The following ZNF581 variants were observed in gnomAD, a reference collection of about 807,000 sequenced individuals.
The protein encoded by ZNF581 is zinc finger protein 581.
ZNF581 carries 1 observed loss-of-function variant against 1.2 expected under a neutral mutation model. That is an observed-to-expected ratio of 0.83 (90% CI 0.30 to 3.95). The LOEUF is 3.95. ZNF581 is among the 30% of genes most tolerant of loss of function. The pLI is 0.18. For synonymous variants in ZNF581, 105 were observed against 109.2 expected (o/e 0.96, Z 0.24); for missense variants, 273 against 274.6 (o/e 0.99, Z 0.04).
At chr19:55,642,658 G>A, upstream of ZNF581, 2 of 1,425,240 alleles carry the variant, frequency 1.4e-6, no homozygotes, top group Non-Finnish European at 1.8e-6. Context: ...CCCCGCGGCT[G>A]GGCCGCCACC....
chr19:55,642,539 C>A, upstream of ZNF581: 1 of 1,444,198 alleles, frequency 6.9e-7, no homozygotes, highest in Non-Finnish European at 9.1e-7. Flanking sequence ...GCCACCCCAC[C>A]CTCGGTCCTC....
upstream of ZNF581, among the ~76,000 whole-genome samples, chr19:55,639,169 G>A (rs1982287580): frequency 6.6e-6 from 1 of 152,124 alleles, no homozygotes; most frequent in South Asian, 2.1e-4. Context: ...GCAATGTGTA[G>A]AGACATTTTG....
chr19:55,644,681 C>T lies in ZNF581; in HGVS notation c.110C>T (p.Ser37Phe), dbSNP rs1380720012. The stretch of plus-strand genomic sequence containing the variant: ...CGCTCCCCAGAACCTGGACCTTCCT[C>T]CTCCATCGGATCTCCCCAGGCTTCA... ...TCRSPEPGPS[S>F]SIGSPQASSP... is the part of the protein sequence containing the mutation. Residue 37 changes from serine to phenylalanine, a missense_variant, in exon 2 of 2, where the codon TCC (serine) becomes TTC (phenylalanine). Ser to Phe is a radical substitution (Grantham distance 155). Transcript: ENST00000270451. The surrounding 1 kb of genome is among the most constrained non-coding windows in gnomAD (Gnocchi z 4.3). The T allele has an allele frequency of 2.5e-6, 4 of 1,613,298 alleles. No individual in the cohort carries two copies. The highest frequency in any genetic ancestry group is 2.2e-5 in the East Asian group (1 of 44,836).
upstream of ZNF581, chr19:55,641,050 T>C: frequency 1.0e-6 from 1 of 984,720 alleles, no homozygotes; most frequent in Non-Finnish European, 1.2e-6. Context: ...GCGCCCCCAG[T>C]CCCCGCGTCC....
chr19:55,643,887 T>TTG (rs1982696645), intron 1 of ZNF581, 113 bp downstream of exon 1: 2 of 152,316 alleles, frequency 1.3e-5, no homozygotes, highest in African/African-American at 4.8e-5. Context: ...AGGGGGCTGT[T>TTG]CTGGAGCTTG....
chr19:55,641,194 C>T (rs954160569), upstream of ZNF581: 4 of 984,688 alleles, frequency 4.1e-6, no homozygotes, highest in Non-Finnish European at 4.8e-6. Flanking sequence ...GTACGGGGGC[C>T]GGGATGGAGG....
At position 55,644,262 on chromosome 19, in the gene ZNF581, C is replaced by T. The variant is rs1982719105; in HGVS notation, c.-19-291C>T. ...GGGCACCCAGTGACCTGGGAGGGCA[C>T]AAAGAGGAAGGTTAGAGCGAGGTCC... On this transcript the variant is annotated intron_variant, in intron 1 of 1. Coordinates refer to ENST00000270451, the MANE Select transcript of ZNF581 (RefSeq NM_016535.4). This position sits in a 1 kb window ranked among gnomAD's most constrained non-coding sequence, Gnocchi z 4.3. Among the ~76,000 whole-genome samples the T allele has an allele frequency of 6.6e-6, 1 of 152,076 alleles. No individual in the cohort carries two copies. The highest frequency in any genetic ancestry group is 1.5e-5 in the Non-Finnish European group (1 of 68,002).
chr19:55,644,880 G>A lies in ZNF581; in HGVS notation c.309G>A (p.Gln103=). ...SRVFEYMSYL[Q]RHSITHSEVK... is the part of the protein sequence containing the mutation. The stretch of plus-strand genomic sequence containing the variant: ...TCTTCGAGTACATGTCCTACCTTCA[G>A]CGACACAGCATCACCCACTCGGAGG... The change falls in exon 2 of 2, where the codon CAG becomes CAA. Residue 103 remains glutamine (Q), a synonymous_variant. Transcript: ENST00000270451. This position sits in a 1 kb window ranked among gnomAD's most constrained non-coding sequence, Gnocchi z 4.3. The A allele has an allele frequency of 6.2e-7, 1 of 1,613,928 alleles. No individual in the cohort carries two copies. The highest frequency in any genetic ancestry group is 8.5e-7 in the Non-Finnish European group (1 of 1,179,832).
At chr19:55,639,920 G>A (rs1982342886), upstream of ZNF581, among the ~76,000 whole-genome samples, 1 of 152,148 alleles carries the variant, frequency 6.6e-6, no homozygotes, top group Admixed American at 6.5e-5. Flanking sequence ...CTGATTATGG[G>A]AAATGTAATA....
chr19:55,641,315 G>A, upstream of ZNF581: 1 of 597,680 alleles, frequency 1.7e-6, no homozygotes. Context: ...CGGAGGGACG[G>A]GAGGGGAAGT....
chr19:55,644,969 A>T lies in ZNF581; in HGVS notation c.398A>T (p.His133Leu), dbSNP rs1414875218. The T allele has an allele frequency of 6.2e-7, 1 of 1,609,470 alleles. No homozygotes were observed. The highest frequency in any genetic ancestry group is 1.1e-5 in the South Asian group (1 of 91,026). ...AAGCGCGCCAGCCACTTGGCACGGCACCATTCCATTCACCTGGCGGGTGGT... is the reference window on the plus strand; with the variant it reads ...AAGCGCGCCAGCCACTTGGCACGGCTCCATTCCATTCACCTGGCGGGTGGT... ...AFKRASHLAR[H>L]HSIHLAGGGR... Residue 133 changes from histidine (H) to leucine (L), a missense_variant, in exon 2 of 2, where the codon CAC becomes CTC. His to Leu is a moderately conservative substitution (Grantham distance 99). Coordinates refer to ENST00000270451, the MANE Select transcript of ZNF581 (RefSeq NM_016535.4). The surrounding 1 kb of genome is among the most constrained non-coding windows in gnomAD (Gnocchi z 4.3).
At chr19:55,641,266 C>G (rs534480629), upstream of ZNF581, 390 of 884,224 alleles carry the variant, frequency 4.4e-4, 1 homozygote, top group South Asian at 4.4e-3. Context: ...GCTGGAGCCA[C>G]CCGGGATGGG....
upstream of ZNF581, chr19:55,642,011 G>C: frequency 1.0e-6 from 1 of 983,336 alleles, no homozygotes; most frequent in Non-Finnish European, 1.2e-6. Context: ...AGGCCGATAC[G>C]GGGGCCGGTG....
chr19:55,635,124 C>T (rs1414018044), upstream of ZNF581: 2 of 152,186 alleles, frequency 1.3e-5, no homozygotes, highest in Non-Finnish European at 2.9e-5. Flanking sequence ...AAGTGAGGGA[C>T]TTGGGGTGTG....
At chr19:55,641,075 C>T (rs1206581545), upstream of ZNF581, 4 of 985,168 alleles carry the variant, frequency 4.1e-6, no homozygotes, top group Admixed American at 6.2e-5. Context: ...CGCCGCCGGC[C>T]CGGAGCTGCC....
At chr19:55,640,167 C>A (rs1230552058), upstream of ZNF581, 1 of 985,358 alleles carries the variant, frequency 1.0e-6, no homozygotes, top group Non-Finnish European at 1.2e-6. Flanking sequence ...CCTGCGAGGC[C>A]GTGGCGCCAC....
intron 1 of ZNF581, 39 bp downstream of exon 1, chr19:55,643,813 C>A (rs899128329): frequency 2.2e-5 from 3 of 137,348 alleles, no homozygotes; most frequent in Non-Finnish European, 4.8e-5. Flanking sequence ...TGGGGGCGGG[C>A]GGCGGGAGGG....
rs1458316389 is a variant in ZNF581, at chr19:55,644,028, T to C, written c.-20+254T>C. Among the ~76,000 whole-genome samples the C allele has an allele frequency of 2.0e-5, 3 of 151,604 alleles. No individual in the cohort carries two copies. The highest frequency in any genetic ancestry group is 2.9e-5 in the Non-Finnish European group (2 of 67,874). On this transcript the variant is annotated intron_variant, in intron 1 of 1. Coordinates refer to ENST00000270451, the MANE Select transcript of ZNF581 (RefSeq NM_016535.4). This position sits in a 1 kb window ranked among gnomAD's most constrained non-coding sequence, Gnocchi z 4.3. ...GGCGAGGACTAGAGAGAACCTGAGG[T>C]GGGTGGACGGGTGGGAGCACGGAGT...
At position 55,644,200 on chromosome 19, in the gene ZNF581, A is replaced by T. The variant is rs1412574930; in HGVS notation, c.-19-353A>T. Among the ~76,000 whole-genome samples the T allele has an allele frequency of 6.6e-6, 1 of 151,524 alleles. No homozygotes were observed. ...ACACGCAGACCCTGGAAAGGGCTAGAAGGAGGGGAGGGAGAGGCCTGGAGG... is the reference window on the plus strand; with the variant it reads ...ACACGCAGACCCTGGAAAGGGCTAGTAGGAGGGGAGGGAGAGGCCTGGAGG... On this transcript the variant is annotated intron_variant, in intron 1 of 1. Coordinates refer to ENST00000270451, the MANE Select transcript of ZNF581 (RefSeq NM_016535.4). The surrounding 1 kb of genome is among the most constrained non-coding windows in gnomAD (Gnocchi z 4.3).
Sources: gnomAD v4.1 joint callset for allele counts (sites outside exome capture counted in the v4.1 genomes callset) on GRCh38, gnomAD v4.1.1 for gene constraint, Gnocchi (gnomAD v3.1) non-coding constraint, MANE v1.5 for transcripts, NCBI Gene and HGNC (gene_info 2026-07-23, HGNC 2026-07-21) for gene names.